Variants in MTMR7 observed in about 807,000 individuals in gnomAD.
The protein encoded by MTMR7 is myotubularin related protein 7, also known as phosphatidylinositol-3-phosphate phosphatase MTMR7.
MTMR7 carries 76 observed loss-of-function variants against 81.2 expected under a neutral mutation model. The observed-to-expected ratio is 0.94, with a 90% CI of 0.78 to 1.13. MTMR7 has a LOEUF of 1.13. Among genes scored for constraint, MTMR7 ranks in the 50% most tolerant of loss-of-function variants. MTMR7 has a pLI of 0.00. For synonymous variants in MTMR7, 372 were observed against 289.8 expected (o/e 1.28, Z -2.88); for missense variants, 1,044 against 820.0 (o/e 1.27, Z -3.34).
intron 4 of MTMR7, 142 bp downstream of exon 4, chr8:17,360,975 A>C (rs1820042404): frequency 1.1e-6 from 1 of 895,886 alleles, no homozygotes; most frequent in Admixed American, 2.6e-5. Context: ...TACAGCTGGC[A>C]CTAACCAAGA....
chr8:17,304,526 T>C lies in MTMR7; in HGVS notation c.1353-7A>G, dbSNP rs758560539. 2.0e-5 allele frequency: 32 copies of C among 1,612,378 alleles called. No individual in the cohort carries two copies. In the Admixed American group the frequency reaches 3.0e-4, roughly 15 times the overall value. On this transcript the variant is annotated splice_region_variant and splice_polypyrimidine_tract_variant and intron_variant, in intron 11 of 13. Coordinates refer to ENST00000180173, the MANE Select transcript of MTMR7 (RefSeq NM_004686.5). ...GTATGTTCTTTCTTGAATCCTGTTA[T>C]AAAGAAAATAAGTCTATAAATGACC...
intron 1 of MTMR7, among the ~76,000 whole-genome samples, chr8:17,376,055 C>T (rs1468195548): frequency 1.3e-5 from 2 of 152,172 alleles, no homozygotes; most frequent in Non-Finnish European, 2.9e-5. Flanking sequence ...AAATCCTGCA[C>T]CCACTACCAG....
rs778518415 is a variant in MTMR7 at position 17,302,180 on chromosome 8, C to G, written c.1594G>C (p.Glu532Gln). The G allele has an allele frequency of 2.5e-6, 4 of 1,614,030 alleles. No homozygotes were observed. The highest frequency in any genetic ancestry group is 2.5e-6 in the Non-Finnish European group (3 of 1,179,994). The change falls in exon 13 of 14, where the codon GAG becomes CAG. Residue 532 changes from glutamate (E) to glutamine (Q), a missense_variant. Glu to Gln is a conservative substitution (Grantham distance 29). Coordinates refer to ENST00000180173, the MANE Select transcript of MTMR7 (RefSeq NM_004686.5). Reference sequence around the variant, plus strand: ...TCTTCCAGGGCCTCTAGTTCTTCCTCTAGCTGCTGAGTTTCTTCCTTCACT... The same window carrying G: ...TCTTCCAGGGCCTCTAGTTCTTCCTGTAGCTGCTGAGTTTCTTCCTTCACT... ...MAVKEETQQL[E>Q]EELEALEERL...
chr8:17,360,839 C>G (rs2073690), intron 4 of MTMR7, among the ~76,000 whole-genome samples: 5,642 of 152,170 alleles, frequency 0.037, 507 homozygotes, highest in East Asian at 0.31. Context: ...CCACCAACTG[C>G]CTGTCCACAA....
intron 12 of MTMR7, 105 bp from the exon 13 acceptor site, chr8:17,302,385 C>A: frequency 7.8e-7 from 1 of 1,285,170 alleles, no homozygotes; most frequent in South Asian, 1.8e-5. Flanking sequence ...TAATAATAAC[C>A]AAATGCAAAT....
chr8:17,365,310 G>A (rs1245148424), intron 3 of MTMR7, among the ~76,000 whole-genome samples: 1 of 151,980 alleles, frequency 6.6e-6, no homozygotes, highest in Non-Finnish European at 1.5e-5. Flanking sequence ...CATATTTTGG[G>A]TATTAATCCT....
chr8:17,411,604 T>C (rs1014120584), intron 1 of MTMR7, among the ~76,000 whole-genome samples: 4 of 152,222 alleles, frequency 2.6e-5, no homozygotes, highest in Admixed American at 2.6e-4. Flanking sequence ...CTCACCCAAT[T>C]CAGTAACACT....
chr8:17,382,223 C>G (rs555562911), intron 1 of MTMR7, among the ~76,000 whole-genome samples: 53 of 152,224 alleles, frequency 3.5e-4, no homozygotes, highest in Admixed American at 6.5e-4. Context: ...AGAGGCTGCA[C>G]TGATATCCAG....
chr8:17,349,145 G>A, intron 4 of MTMR7, 64 bp from the exon 5 acceptor site: 3 of 1,564,112 alleles, frequency 1.9e-6, no homozygotes, highest in South Asian at 1.1e-5. Flanking sequence ...ACTGCCCCCA[G>A]AAATTCCACT....
At chr8:17,350,951 A>T (rs1034041716) in intron 4 of MTMR7, among the ~76,000 whole-genome samples, 5 of 152,210 alleles carry the variant, frequency 3.3e-5, no homozygotes, top group Non-Finnish European at 4.4e-5. Context: ...AGGCTCAACC[A>T]ACTTGGACTC....
In MTMR7 at chr8:17,373,235, T is replaced by G. The variant is rs528863006; in HGVS notation, c.30A>C (p.Glu10Asp). Residue 10 changes from glutamate (E) to aspartate (D), a missense_variant, in exon 2 of 14, where the codon GAA (glutamate) becomes GAC (aspartate). Physicochemically the swap from Glu to Asp is conservative, Grantham distance 45. Coordinates refer to ENST00000180173, the MANE Select transcript of MTMR7 (RefSeq NM_004686.5). Reference protein sequence around the residue: MEHIRTPKVENVRLVDRVSP... With the variant: MEHIRTPKVDNVRLVDRVSP... ...ACACTCGATCTACCAAGCGGACATT[T>G]TCAACCTAGAGAAATCGGCATGATG... 84 of 1,610,968 alleles carry G rather than the reference T, an allele frequency of 5.2e-5. No individual in the cohort carries two copies. The highest frequency in any genetic ancestry group is 3.5e-4 in the Admixed American group (21 of 59,722).
rs1817143109 is a variant in MTMR7 at position 17,301,901 on chromosome 8, AGTTGACCTAAAAT to A, written c.1620+240_1620+252del. The A allele has an allele frequency of 1.6e-5, 7 of 443,286 alleles. No individual in the cohort carries two copies. The East Asian group carries it at 2.4e-4, about 15-fold the overall frequency. The allele number at this position is 443,286 out of a possible 1,614,324, so 27.5% of individuals were successfully genotyped here. A position where few individuals can be genotyped will look rare whatever the true frequency, so the allele number is the denominator to read the frequency against. The stretch of plus-strand genomic sequence containing the variant: ...ACTCTCAAATAACAGTAACCAAACA[AGTTGACCTAAAAT>A]AAGGAACAACCAAAAATTTGTGGAA... On this transcript the variant is annotated intron_variant, in intron 13 of 13. Transcript: ENST00000180173.
intron 4 of MTMR7, among the ~76,000 whole-genome samples, chr8:17,353,092 C>T (rs1275108894): frequency 6.6e-6 from 1 of 152,142 alleles, no homozygotes; most frequent in Non-Finnish European, 1.5e-5. Context: ...TATATCATTA[C>T]AATGAAATAT....
chr8:17,397,505 G>C (rs1173958159), intron 1 of MTMR7, among the ~76,000 whole-genome samples: 1 of 152,188 alleles, frequency 6.6e-6, no homozygotes, highest in Admixed American at 6.5e-5. Context: ...GGAGAGGGAA[G>C]AGCAGGACAG....
intron 12 of MTMR7, among the ~76,000 whole-genome samples, chr8:17,303,531 A>T (rs192358103): frequency 2.6e-5 from 4 of 152,234 alleles, no homozygotes; most frequent in South Asian, 4.2e-4. Flanking sequence ...CCAAAGGAAA[A>T]AACATACGTA....
chr8:17,407,391 G>C (rs1469181237), intron 1 of MTMR7, among the ~76,000 whole-genome samples: 1 of 152,050 alleles, frequency 6.6e-6, no homozygotes, highest in African/African-American at 2.4e-5. Context: ...ATTAATGAAA[G>C]TGTTAAATGA....
chr8:17,325,890 G>A (rs544561781), intron 7 of MTMR7, among the ~76,000 whole-genome samples: 18 of 152,256 alleles, frequency 1.2e-4, no homozygotes, highest in Admixed American at 1.0e-3. Context: ...GCCCATCAAC[G>A]TATCCATTTC....
At chr8:17,337,623 C>G (rs1819285988) in intron 6 of MTMR7, among the ~76,000 whole-genome samples, 1 of 151,996 alleles carries the variant, frequency 6.6e-6, no homozygotes, top group African/African-American at 2.4e-5. Flanking sequence ...CCAATTTTTT[C>G]TTTTTCTTTC....
intron 13 of MTMR7, chr8:17,301,526 AT>A (rs1563311631): frequency 6.6e-6 from 1 of 152,290 alleles, no homozygotes; most frequent in African/African-American, 2.4e-5. Context: ...AAAATCTCAA[AT>A]GCCAGCCTAA....
Sources: gnomAD v4.1 joint callset for allele counts (sites outside exome capture counted in the v4.1 genomes callset) on GRCh38, gnomAD v4.1.1 for gene constraint, MANE v1.5 for transcripts, NCBI Gene and HGNC (gene_info 2026-07-23, HGNC 2026-07-21) for gene names.